Variants in CSMD1 observed in about 807,000 individuals in gnomAD.
CSMD1 encodes CUB and Sushi multiple domains 1.
In CSMD1, 213 loss-of-function variants were observed where a neutral mutation model predicts 417.5. The observed-to-expected ratio is 0.51, with a 90% CI of 0.46 to 0.57. The LOEUF (loss-of-function observed/expected upper bound fraction) is 0.57, where lower values mean the gene tolerates loss of function less well. CSMD1 is among the 20% of genes least tolerant of loss of function. The pLI is 0.00. For missense variants in CSMD1, 6,923 were observed against 4,529.7 expected (o/e 1.53, Z -15.17); for synonymous variants, 2,862 against 1,736.8 (o/e 1.65, Z -16.11).
At position 3,750,406 on chromosome 8, in the gene CSMD1, G is replaced by T. The variant is rs547187107; in HGVS notation, c.931+3524C>A. On this transcript the variant is annotated intron_variant, in intron 6 of 69. Coordinates refer to ENST00000635120, the MANE Select transcript of CSMD1 (RefSeq NM_033225.6). Reference sequence around the variant, plus strand: ...GATTCAAGTTGTTTGACAACATTTGGAAAGATGAAAATAACACAATAATGT... The same window carrying T: ...GATTCAAGTTGTTTGACAACATTTGTAAAGATGAAAATAACACAATAATGT... Among the ~76,000 whole-genome samples, 136 of 151,040 alleles carry T rather than the reference G, an allele frequency of 9.0e-4. 1 individual carries two copies. The highest frequency in any genetic ancestry group is 3.2e-3 in the African/African-American group (133 of 41,258).
At chr8:4,014,198 A>C (rs182935812) in intron 4 of CSMD1, among the ~76,000 whole-genome samples, 1 of 152,320 alleles carries the variant, frequency 6.6e-6, no homozygotes, top group African/African-American at 2.4e-5. Context: ...TGCAAAGCAT[A>C]AACAACATTC....
intron 17 of CSMD1, 60 bp downstream of exon 17, chr8:3,396,134 G>A (rs1393388895): frequency 4.9e-6 from 7 of 1,426,394 alleles, no homozygotes; most frequent in Non-Finnish European, 5.8e-6. Flanking sequence ...TAAGAACCCA[G>A]ATCTTTAGTT....
intron 49 of CSMD1, among the ~76,000 whole-genome samples, chr8:3,077,287 G>T (rs1270884020): frequency 6.6e-6 from 1 of 152,134 alleles, no homozygotes; most frequent in Non-Finnish European, 1.5e-5. Flanking sequence ...TGGACAAAAG[G>T]CCACAGTGGG....
chr8:4,905,104 TA>T (rs1053518229), intron 1 of CSMD1, among the ~76,000 whole-genome samples: 22 of 152,184 alleles, frequency 1.4e-4, no homozygotes, highest in African/African-American at 4.8e-4. Context: ...GGTGTATTTT[TA>T]GTGCTCTATA....
intron 37 of CSMD1, among the ~76,000 whole-genome samples, chr8:3,179,781 T>A (rs1451336860): frequency 3.3e-5 from 5 of 152,338 alleles, no homozygotes; most frequent in Non-Finnish European, 5.9e-5. Context: ...TATATCAAAG[T>A]AGCAGATTTT....
intron 3 of CSMD1, 148 bp from the exon 4 acceptor site, chr8:4,032,247 C>G (rs1423085970): frequency 1.2e-5 from 7 of 598,766 alleles, no homozygotes; most frequent in African/African-American, 1.9e-5. Context: ...AAAAAATAAA[C>G]TGAGAAAATG....
intron 25 of CSMD1, among the ~76,000 whole-genome samples, chr8:3,305,689 TTC>T (rs1404223325): frequency 6.6e-6 from 1 of 152,172 alleles, no homozygotes; most frequent in Non-Finnish European, 1.5e-5. Context: ...GTCTGTAATA[TTC>T]TTTTTCTTGA....
chr8:4,305,750 C>A (rs927080931), intron 3 of CSMD1, among the ~76,000 whole-genome samples: 1 of 152,150 alleles, frequency 6.6e-6, no homozygotes, highest in Admixed American at 6.5e-5. Context: ...CAGCCGTAGA[C>A]ACTACTGATC....
intron 3 of CSMD1, among the ~76,000 whole-genome samples, chr8:4,213,004 C>T (rs1007756783): frequency 1.3e-5 from 2 of 152,040 alleles, no homozygotes; most frequent in East Asian, 1.9e-4. Flanking sequence ...GCCTCTCAGT[C>T]TTTGTTTTCT....
At chr8:4,518,165 A>G (rs1197020765) in intron 2 of CSMD1, among the ~76,000 whole-genome samples, 1 of 152,168 alleles carries the variant, frequency 6.6e-6, no homozygotes, top group Non-Finnish European at 1.5e-5. Flanking sequence ...AGACAAGAAG[A>G]CAGAGTATGG....
intron 2 of CSMD1, among the ~76,000 whole-genome samples, chr8:4,428,731 A>T (rs1359374760): frequency 6.6e-6 from 1 of 152,044 alleles, no homozygotes; most frequent in Non-Finnish European, 1.5e-5. Context: ...TTATTTATTT[A>T]TTTATTGAGA....
intron 5 of CSMD1, among the ~76,000 whole-genome samples, chr8:3,835,967 C>A (rs927123470): frequency 6.6e-6 from 1 of 152,072 alleles, no homozygotes; most frequent in Non-Finnish European, 1.5e-5. Context: ...TGGATTAAGA[C>A]CTTGACTCTC....
At chr8:3,720,778 C>T (rs962105300) in intron 6 of CSMD1, among the ~76,000 whole-genome samples, 1 of 152,054 alleles carries the variant, frequency 6.6e-6, no homozygotes, top group African/African-American at 2.4e-5. Flanking sequence ...GATGCTGACA[C>T]GATCCAAAAC....
In CSMD1 at chr8:4,695,158, G is replaced by A. The variant is rs181256443; in HGVS notation, c.86-57600C>T. 3.0e-3 allele frequency among the ~76,000 whole-genome samples: 454 copies of A among 151,858 alleles called. 2 individuals are homozygous for A. Among genetic ancestry groups the A allele is most frequent in the Non-Finnish European group, 4.9e-3 (330 of 67,964 alleles). ...TTATCAAATACTCATTTTTGTACAT[G>A]GAATACACATACTCTTTATTTCTCG... On this transcript the variant is annotated intron_variant, in intron 1 of 69. Coordinates refer to ENST00000635120, the MANE Select transcript of CSMD1 (RefSeq NM_033225.6).
intron 3 of CSMD1, among the ~76,000 whole-genome samples, chr8:4,380,043 A>G (rs559686182): frequency 6.6e-5 from 10 of 152,362 alleles, no homozygotes; most frequent in African/African-American, 2.4e-4. Flanking sequence ...GGTATAAATT[A>G]AATATCCATC....
intron 1 of CSMD1, among the ~76,000 whole-genome samples, chr8:4,690,826 T>C (rs1267247159): frequency 6.6e-6 from 1 of 152,166 alleles, no homozygotes; most frequent in Non-Finnish European, 1.5e-5. Flanking sequence ...CCTGCCGGGT[T>C]CAAGCAATTC....
chr8:4,166,756 C>T (rs1320968815), intron 3 of CSMD1, among the ~76,000 whole-genome samples: 1 of 152,002 alleles, frequency 6.6e-6, no homozygotes, highest in Non-Finnish European at 1.5e-5. Context: ...ACTATTGAAG[C>T]ATAAAAAAAG....
chr8:4,241,749 G>T (rs372646663), intron 3 of CSMD1, among the ~76,000 whole-genome samples: 60 of 150,664 alleles, frequency 4.0e-4, no homozygotes, highest in African/African-American at 1.4e-3. Flanking sequence ...TGTCGCCCAG[G>T]CTGGAGTGCA....
chr8:3,060,061 G>T (rs1420823767), intron 49 of CSMD1, among the ~76,000 whole-genome samples: 1 of 151,952 alleles, frequency 6.6e-6, no homozygotes, highest in Non-Finnish European at 1.5e-5. Context: ...CTGGAATAAA[G>T]TACTTTCCGG....
Sources: gnomAD v4.1 joint callset for allele counts (sites outside exome capture counted in the v4.1 genomes callset) on GRCh38, gnomAD v4.1.1 for gene constraint, MANE v1.5 for transcripts, NCBI Gene and HGNC (gene_info 2026-07-23, HGNC 2026-07-21) for gene names.